Variants in HARBI1 observed in about 807,000 individuals in gnomAD.
HARBI1 encodes the protein harbinger transposase derived 1.
Under a neutral mutation model 25.3 loss-of-function variants are expected in HARBI1, and 15 were observed. The observed-to-expected ratio is 0.59, with a 90% CI of 0.40 to 0.91. The LOEUF (loss-of-function observed/expected upper bound fraction) is 0.91, where lower values mean the gene tolerates loss of function less well. HARBI1 is among the 40% of genes least tolerant of loss of function. The pLI, the probability that HARBI1 is intolerant of heterozygous loss-of-function variation, is 0.00. For synonymous variants in HARBI1, 168 were observed against 160.5 expected, an observed-to-expected ratio of 1.05 and a Z score of -0.35; for missense variants, 396 against 445.8, an observed-to-expected ratio of 0.89 and a Z score of 1.01.
intron 2 of HARBI1, among the ~76,000 whole-genome samples, chr11:46,612,831 C>G (rs2045235271): frequency 6.6e-6 from 1 of 151,506 alleles, no homozygotes. Context: ...CCACCACGCC[C>G]AGCTAATTTT....
chr11:46,604,491 C>T (rs1038607438), intron 2 of HARBI1: 11 of 973,294 alleles, frequency 1.1e-5, no homozygotes, highest in African/African-American at 1.8e-5. Context: ...AATCAAATAG[C>T]ATGCCAATCT....
At chr11:46,606,119 C>G (rs1406089180) in intron 2 of HARBI1, among the ~76,000 whole-genome samples, 1 of 151,874 alleles carries the variant, frequency 6.6e-6, no homozygotes, top group African/African-American at 2.4e-5. Context: ...CTCCTGACCT[C>G]ATGCGATCCA....
intron 2 of HARBI1, among the ~76,000 whole-genome samples, chr11:46,607,336 T>C (rs2044995179): frequency 6.6e-6 from 1 of 152,094 alleles, no homozygotes; most frequent in Non-Finnish European, 1.5e-5. Flanking sequence ...AACTTATTTT[T>C]CAAATGAGAA....
chr11:46,609,904 G>A (rs2045107545), intron 2 of HARBI1, among the ~76,000 whole-genome samples: 1 of 144,982 alleles, frequency 6.9e-6, no homozygotes. Flanking sequence ...CCAGGCTAGA[G>A]TGCAATGGTG....
At chr11:46,615,475 C>T (rs1386882223) in intron 2 of HARBI1, 93 bp downstream of exon 2, 2 of 1,022,688 alleles carry the variant, frequency 2.0e-6, no homozygotes, top group Non-Finnish European at 3.0e-6. Flanking sequence ...CCTCAGCCTC[C>T]CAAAGTGCTG....
intron 2 of HARBI1, among the ~76,000 whole-genome samples, chr11:46,606,852 G>A (rs536415813): frequency 3.9e-4 from 60 of 152,212 alleles, no homozygotes; most frequent in African/African-American, 1.4e-3. Context: ...TATGTTGCTA[G>A]GCTGACCCTG....
At chr11:46,606,177 C>T (rs2044942389) in intron 2 of HARBI1, among the ~76,000 whole-genome samples, 2 of 151,330 alleles carry the variant, frequency 1.3e-5, no homozygotes, top group Admixed American at 6.6e-5. Context: ...TGAGACACCA[C>T]GCCCGGCCAT....
At chr11:46,610,700 C>G (rs1485928787) in intron 2 of HARBI1, among the ~76,000 whole-genome samples, 1 of 152,098 alleles carries the variant, frequency 6.6e-6, no homozygotes, top group Non-Finnish European at 1.5e-5. Flanking sequence ...AATGTTGCTA[C>G]AGTATCCATT....
At chr11:46,616,474 T>C (rs1308492856) in intron 1 of HARBI1, 93 bp from the exon 2 acceptor site, 18 of 1,345,012 alleles carry the variant, frequency 1.3e-5, no homozygotes, top group Non-Finnish European at 1.7e-5. Context: ...AAATTTCCAT[T>C]TTGTTGAGGC....
In HARBI1 at chr11:46,616,245, G is replaced by A. The variant is rs749250437; in HGVS notation, c.-8C>T. ...TGTTATTGGTATAGCCATGGTAAATGTGAATGTTGGCTCTCCTCTTTGCTT... is the reference window on the plus strand; with the variant it reads ...TGTTATTGGTATAGCCATGGTAAATATGAATGTTGGCTCTCCTCTTTGCTT... On this transcript the variant is annotated 5_prime_UTR_variant, in exon 2 of 3. Coordinates refer to ENST00000326737, the MANE Select transcript of HARBI1 (RefSeq NM_173811.4). The A allele has an allele frequency of 7.5e-6, 12 of 1,595,310 alleles. No homozygotes were observed. In the African/African-American group the frequency reaches 9.4e-5, roughly 12 times the overall value.
upstream of HARBI1, chr11:46,617,541 C>CA (rs1014048781): frequency 1.1e-5 from 1 of 90,860 alleles, no homozygotes; most frequent in African/African-American, 6.4e-5. Context: ...CCCTCTTTCA[C>CA]CCCCCCCCCC....
chr11:46,617,177 G>C lies in HARBI1; in HGVS notation c.-198C>G, dbSNP rs1179847020. On this transcript the variant is annotated 5_prime_UTR_variant, in exon 1 of 3. Coordinates refer to ENST00000326737, the MANE Select transcript of HARBI1 (RefSeq NM_173811.4). Reference sequence around the variant, plus strand: ...CACTTCCCACCCACCCAGCCGGGTTGGGCCCTCCTCCGGAACCGGCGACTG... The same window carrying C: ...CACTTCCCACCCACCCAGCCGGGTTCGGCCCTCCTCCGGAACCGGCGACTG... The C allele has an allele frequency of 9.3e-6, 2 of 215,872 alleles. No homozygotes were observed. Among genetic ancestry groups the C allele is most frequent in the East Asian group, 3.7e-4 (2 of 5,470 alleles). 13.4% of individuals were successfully genotyped at this position (215,872 alleles called of 1,614,324 possible).
chr11:46,611,424 A>G (rs1330290125), intron 2 of HARBI1, among the ~76,000 whole-genome samples: 2 of 152,162 alleles, frequency 1.3e-5, no homozygotes. Flanking sequence ...ATAGTTAGGG[A>G]ACCGGGCAGG....
chr11:46,604,202 T>C (rs572695850), intron 2 of HARBI1: 33 of 985,360 alleles, frequency 3.3e-5, no homozygotes, highest in Non-Finnish European at 4.0e-5. Flanking sequence ...GTGAAGGCAC[T>C]GGAGGAAATA....
chr11:46,610,110 C>T (rs1443140517), intron 2 of HARBI1, among the ~76,000 whole-genome samples: 1 of 151,068 alleles, frequency 6.6e-6, no homozygotes. Flanking sequence ...GCTTTGGCCT[C>T]CCAAAGTGCT....
At chr11:46,614,295 C>T (rs1291560155) in intron 2 of HARBI1, among the ~76,000 whole-genome samples, 1 of 151,874 alleles carries the variant, frequency 6.6e-6, no homozygotes, top group African/African-American at 2.4e-5. Context: ...GGCATAGTGG[C>T]GCATGCCTAT....
intron 2 of HARBI1, among the ~76,000 whole-genome samples, chr11:46,609,817 A>G (rs1357462764): frequency 6.9e-6 from 1 of 145,152 alleles, no homozygotes; most frequent in Non-Finnish European, 1.5e-5. Flanking sequence ...TGAGACCCAG[A>G]CTCTACAAAA....
At chr11:46,604,514 C>A (rs1174462726) in intron 2 of HARBI1, 2 of 982,770 alleles carry the variant, frequency 2.0e-6, no homozygotes, top group Non-Finnish European at 2.4e-6. Context: ...AAAATCTCTA[C>A]AGAGCAAGAA....
chr11:46,616,074 G>A lies in HARBI1; in HGVS notation c.164C>T (p.Ala55Val), dbSNP rs1565358942. ...TCGCTGAGTAGGCCTAGAAAGATTC[G>A]CCCCCAAGAGCTCCACCAAGTAATA... The part of the protein sequence containing the change: ...FIYYLVELLG[A>V]NLSRPTQRSR... The change falls in exon 2 of 3, where the codon GCG becomes GTG. Residue 55 changes from alanine to valine, a missense_variant. Ala to Val is a moderately conservative substitution (Grantham distance 64). Coordinates refer to ENST00000326737, the MANE Select transcript of HARBI1 (RefSeq NM_173811.4). 3 of 1,614,142 alleles carry A rather than the reference G, an allele frequency of 1.9e-6. No homozygotes were observed. The highest frequency in any genetic ancestry group is 2.5e-6 in the Non-Finnish European group (3 of 1,180,024).
Sources: gnomAD v4.1 joint callset for allele counts (sites outside exome capture counted in the v4.1 genomes callset) on GRCh38, gnomAD v4.1.1 for gene constraint, MANE v1.5 for transcripts, NCBI Gene and HGNC (gene_info 2026-07-23, HGNC 2026-07-21) for gene names.